LARGE1: variants seen among roughly 807,000 people sequenced by gnomAD.
LARGE1 encodes xylosyl- and glucuronyltransferase LARGE1.
Under a neutral mutation model 87.6 loss-of-function variants are expected in LARGE1, and 43 were observed. The ratio of observed to expected loss-of-function variants is 0.49; its 90% CI spans 0.38 to 0.63. The LOEUF (loss-of-function observed/expected upper bound fraction) is 0.63, where lower values mean the gene tolerates loss of function less well. Among genes scored for constraint, LARGE1 ranks in the 30% least tolerant of loss-of-function variants. The probability of loss-of-function intolerance (pLI) is 0.00; values close to 1 mark genes in which losing one functional copy is unlikely to be tolerated. For missense variants in LARGE1, 802 were observed against 1,000.2 expected (o/e 0.80, Z 2.67); for synonymous variants, 434 against 394.6 (o/e 1.10, Z -1.18).
chr22:33,699,819 C>T (rs2082353884), intron 2 of LARGE1, among the ~76,000 whole-genome samples: 1 of 152,122 alleles, frequency 6.6e-6, no homozygotes, highest in Non-Finnish European at 1.5e-5. Flanking sequence ...ATGTCTTACA[C>T]TCAGCAGCAT....
intron 6 of LARGE1, among the ~76,000 whole-genome samples, chr22:33,535,512 C>T (rs2077016574): frequency 6.7e-6 from 1 of 150,340 alleles, no homozygotes; most frequent in African/African-American, 2.5e-5. Flanking sequence ...TACTGTACTC[C>T]AACCTGGGTG....
chr22:33,144,142 C>T, the LARGE1 span, among the ~76,000 whole-genome samples: 1 of 152,000 alleles, frequency 6.6e-6, no homozygotes, highest in Non-Finnish European at 1.5e-5. Context: ...AACTTCACTT[C>T]GATTTTAAAA....
At chr22:33,231,414 G>T (rs1926000178) in intron 11 of LARGE1, among the ~76,000 whole-genome samples, 1 of 152,168 alleles carries the variant, frequency 6.6e-6, no homozygotes, top group African/African-American at 2.4e-5. Context: ...ATAAAATTAT[G>T]ACACATTTCA....
the LARGE1 span, among the ~76,000 whole-genome samples, chr22:33,124,395 A>AGG: frequency 7.4e-4 from 109 of 147,600 alleles, no homozygotes; most frequent in South Asian, 1.5e-3. Flanking sequence ...GGAGGAAGGA[A>AGG]AATGATGGCT....
intron 1 of LARGE1, among the ~76,000 whole-genome samples, chr22:33,904,284 T>TC (rs2065370257): frequency 6.6e-6 from 1 of 152,140 alleles, no homozygotes; most frequent in Admixed American, 6.5e-5. Context: ...GCCTCCTGAG[T>TC]AGCTGGGATT....
chr22:33,317,088 C>G (rs183279735), intron 10 of LARGE1, among the ~76,000 whole-genome samples: 12 of 151,904 alleles, frequency 7.9e-5, no homozygotes, highest in Admixed American at 5.2e-4. Flanking sequence ...GTGGCGGACA[C>G]CTGTAATCCC....
chr22:33,187,816 C>T (rs1391163756), intron 11 of LARGE1, among the ~76,000 whole-genome samples: 3 of 148,606 alleles, frequency 2.0e-5, no homozygotes, highest in South Asian at 2.2e-4. Context: ...CCCAGCCACT[C>T]GGGAGGCTGA....
At chr22:33,494,847 T>C (rs1198127219) in intron 6 of LARGE1, among the ~76,000 whole-genome samples, 1 of 152,176 alleles carries the variant, frequency 6.6e-6, no homozygotes, top group Non-Finnish European at 1.5e-5. Flanking sequence ...TGAAGAAAGA[T>C]AATCGGCTCT....
At chr22:33,382,440 G>A (rs891161795) in intron 8 of LARGE1, among the ~76,000 whole-genome samples, 3 of 152,166 alleles carry the variant, frequency 2.0e-5, no homozygotes, top group Admixed American at 6.5e-5. Context: ...GAAACTGCAT[G>A]ATGACAAGTA....
intron 2 of LARGE1, among the ~76,000 whole-genome samples, chr22:33,727,890 C>T (rs1276607042): frequency 6.6e-6 from 1 of 152,040 alleles, no homozygotes; most frequent in Non-Finnish European, 1.5e-5. Context: ...GAGATTTGAG[C>T]AGAGCAGGGC....
intron 1 of LARGE1, among the ~76,000 whole-genome samples, chr22:33,842,563 C>A (rs1263831538): frequency 6.6e-6 from 1 of 152,148 alleles, no homozygotes; most frequent in African/African-American, 2.4e-5. Flanking sequence ...GGCTCTTCTA[C>A]CAAAACGAAG....
chr22:33,719,574 G>A (rs995655883), intron 2 of LARGE1, among the ~76,000 whole-genome samples: 2 of 151,878 alleles, frequency 1.3e-5, no homozygotes, highest in Middle Eastern at 3.2e-3. Context: ...AGGCTGGAGT[G>A]TAGTGGCACA....
At chr22:33,589,017 G>A (rs1169316473) in intron 5 of LARGE1, among the ~76,000 whole-genome samples, 1 of 152,196 alleles carries the variant, frequency 6.6e-6, no homozygotes, top group Non-Finnish European at 1.5e-5. Context: ...CAGGGCCTCA[G>A]GCAACTAGCC....
chr22:33,390,481 C>T (rs1476130252), intron 7 of LARGE1, among the ~76,000 whole-genome samples: 1 of 152,158 alleles, frequency 6.6e-6, no homozygotes, highest in Admixed American at 6.5e-5. Context: ...CTTCCTGTGC[C>T]AGCAGAACCC....
intron 6 of LARGE1, among the ~76,000 whole-genome samples, chr22:33,473,095 C>G (rs2068917525): frequency 1.3e-5 from 2 of 152,074 alleles, no homozygotes; most frequent in Admixed American, 1.3e-4. Flanking sequence ...GAGCGAGCCA[C>G]TCTACTGAGT....
At chr22:33,715,922 T>C (rs1015821668) in intron 2 of LARGE1, among the ~76,000 whole-genome samples, 1 of 152,356 alleles carries the variant, frequency 6.6e-6, no homozygotes, top group African/African-American at 2.4e-5. Context: ...GAAATTTCTC[T>C]AAAGAGTTAC....
chr22:33,138,159 G>A, the LARGE1 span, among the ~76,000 whole-genome samples: 4 of 152,184 alleles, frequency 2.6e-5, no homozygotes, highest in Admixed American at 6.5e-5. Flanking sequence ...GACCAAGACC[G>A]TGGGAATCTA....
intron 1 of LARGE1, among the ~76,000 whole-genome samples, chr22:33,764,512 C>G (rs1029806990): frequency 6.6e-6 from 1 of 152,136 alleles, no homozygotes; most frequent in Non-Finnish European, 1.5e-5. Flanking sequence ...AATCCCAGCA[C>G]TTTGGGAGGC....
At chr22:33,131,063 T>C in the LARGE1 span, among the ~76,000 whole-genome samples, 56,508 of 115,466 alleles carry the variant, frequency 0.49, 12,518 homozygotes, top group South Asian at 0.57. Context: ...AAAAAAAAAG[T>C]AACTATCGAA....
Sources: allele counts gnomAD v4.1 joint callset (sites outside exome capture counted in the v4.1 genomes callset), GRCh38; gene constraint gnomAD v4.1.1; transcripts MANE v1.5; gene names NCBI Gene and HGNC (gene_info 2026-07-23, HGNC 2026-07-21).